The following PHACTR4 variants were observed in gnomAD, a reference collection of about 807,000 sequenced individuals.
The protein encoded by PHACTR4 is phosphatase and actin regulator 4.
A neutral mutation model predicts 72.7 loss-of-function variants in PHACTR4; 51 were observed. The ratio of observed to expected loss-of-function variants is 0.70; its 90% CI spans 0.56 to 0.89. PHACTR4 has a LOEUF of 0.89. PHACTR4 is among the 40% of genes least tolerant of loss of function. The pLI is 0.00. For synonymous variants in PHACTR4, 255 were observed against 302.5 expected (o/e 0.84, Z 1.63); for missense variants, 731 against 861.8 (o/e 0.85, Z 1.90).
intron 2 of PHACTR4, among the ~76,000 whole-genome samples, chr1:28,440,999 A>G (rs1304208628): frequency 6.6e-6 from 1 of 152,154 alleles, no homozygotes; most frequent in Non-Finnish European, 1.5e-5. Context: ...ATAGTACTAG[A>G]TTTAGCAAGT....
intron 1 of PHACTR4, 149 bp from the exon 2 acceptor site, chr1:28,407,261 A>C (rs1557793052): frequency 1.4e-5 from 6 of 417,486 alleles, no homozygotes; most frequent in South Asian, 5.9e-5. Context: ...AAAAAAAAAA[A>C]AAACTATCAT....
At chr1:28,377,575 G>T (rs1442548728) in intron 1 of PHACTR4, among the ~76,000 whole-genome samples, 1 of 152,038 alleles carries the variant, frequency 6.6e-6, no homozygotes, top group Non-Finnish European at 1.5e-5. Context: ...TAGGCCAGGA[G>T]TGGTGGCTGC....
chr1:28,450,790 T>TTGTG (rs140707466), intron 2 of PHACTR4, among the ~76,000 whole-genome samples: 1 of 148,924 alleles, frequency 6.7e-6, no homozygotes, highest in Non-Finnish European at 1.5e-5. Flanking sequence ...CAGCCAATTG[T>TTGTG]TGTGTGTGTG....
At chr1:28,466,359 A>G (rs756233206) in intron 5 of PHACTR4, 23 bp from the exon 6 acceptor site, 122 of 1,584,224 alleles carry the variant, frequency 7.7e-5, no homozygotes, top group Admixed American at 1.1e-4. Flanking sequence ...TTCCCTTTTT[A>G]TACCATACAT....
chr1:28,383,568 C>G (rs1281806790), intron 1 of PHACTR4, among the ~76,000 whole-genome samples: 2 of 152,074 alleles, frequency 1.3e-5, no homozygotes, highest in African/African-American at 4.8e-5. Context: ...TCTTTCACCT[C>G]CCTGGTTAGC....
intron 1 of PHACTR4, among the ~76,000 whole-genome samples, chr1:28,404,306 G>A (rs60781079): frequency 0.31 from 40,773 of 131,586 alleles, 6,258 homozygotes; most frequent in Middle Eastern, 0.39. Flanking sequence ...TTTTTGAGAC[G>A]GAGTTTTGCT....
chr1:28,426,850 C>T (rs1466176713), intron 2 of PHACTR4, among the ~76,000 whole-genome samples: 9 of 151,982 alleles, frequency 5.9e-5, no homozygotes, highest in South Asian at 2.1e-4. Context: ...TGCACCTGGC[C>T]GTGGAAGAAT....
intron 12 of PHACTR4, among the ~76,000 whole-genome samples, 181 bp downstream of exon 12, chr1:28,491,968 G>A (rs1332915608): frequency 6.6e-6 from 1 of 152,166 alleles, no homozygotes; most frequent in Non-Finnish European, 1.5e-5. Flanking sequence ...TACTAACTCA[G>A]TATGTTTTGG....
chr1:28,406,784 ATTATACTTAGTCAAC>A (rs764455664), intron 1 of PHACTR4, among the ~76,000 whole-genome samples: 20 of 152,166 alleles, frequency 1.3e-4, no homozygotes, highest in Non-Finnish European at 2.1e-4. Context: ...GAGGTTGTAT[ATTATACTTAGTCAAC>A]TTTCTTTTGA....
chr1:28,450,731 C>T (rs1396613352), intron 2 of PHACTR4, among the ~76,000 whole-genome samples: 3 of 151,906 alleles, frequency 2.0e-5, no homozygotes, highest in African/African-American at 4.8e-5. Flanking sequence ...GCAGTTCCCT[C>T]GCCTTAGCCT....
intron 1 of PHACTR4, among the ~76,000 whole-genome samples, chr1:28,385,735 C>T (rs949992377): frequency 7.9e-5 from 12 of 150,966 alleles, no homozygotes; most frequent in Non-Finnish European, 1.0e-4. Context: ...CATGCCTTAG[C>T]CTCCCGAGTA....
intron 7 of PHACTR4, among the ~76,000 whole-genome samples, chr1:28,475,629 A>G (rs1659868660): frequency 6.6e-6 from 1 of 152,144 alleles, no homozygotes; most frequent in Non-Finnish European, 1.5e-5. Flanking sequence ...TACCTGCTAA[A>G]AAGTTTCTTA....
At chr1:28,404,247 G>T (rs116346400) in intron 1 of PHACTR4, among the ~76,000 whole-genome samples, 1,549 of 149,442 alleles carry the variant, frequency 0.01, 26 homozygotes, top group African/African-American at 0.037. Context: ...ACTGCACCTG[G>T]CCTGTGTACA....
chr1:28,380,413 T>C (rs1050470908), intron 1 of PHACTR4, among the ~76,000 whole-genome samples: 5 of 152,148 alleles, frequency 3.3e-5, no homozygotes, highest in Non-Finnish European at 5.9e-5. Flanking sequence ...ACAGGTAAAC[T>C]TGTATCATGG....
chr1:28,473,793 C>T lies in PHACTR4; in HGVS notation c.1063C>T (p.Pro355Ser). The T allele has an allele frequency of 6.2e-7, 1 of 1,614,098 alleles. No individual in the cohort carries two copies. Among genetic ancestry groups the T allele is most frequent in the Non-Finnish European group, 8.5e-7 (1 of 1,180,030 alleles). The change falls in exon 7 of 14, where the codon CCT becomes TCT. Residue 355 changes from proline (P) to serine (S), a missense_variant. By Grantham distance (74) the Pro-to-Ser change is moderately conservative (BLOSUM62 -1). Transcript: ENST00000373839. The part of the protein sequence containing the change: ...PPLPTHIPPE[P>S]PRTPPFPAKT... ...ACTGCCTACTCATATACCTCCAGAG[C>T]CTCCACGCACCCCTCCATTCCCTGC... is the stretch of plus-strand genomic sequence containing the variant.
chr1:28,392,171 G>C (rs990070704), intron 1 of PHACTR4, among the ~76,000 whole-genome samples: 2 of 152,050 alleles, frequency 1.3e-5, no homozygotes, highest in African/African-American at 4.8e-5. Context: ...ATGCCATTCT[G>C]AGTAGTGTGA....
chr1:28,484,592 G>A (rs1199850696), intron 9 of PHACTR4, among the ~76,000 whole-genome samples: 2 of 151,116 alleles, frequency 1.3e-5, no homozygotes, highest in South Asian at 2.1e-4. Flanking sequence ...ATATGTGTAC[G>A]TGTGTGTATA....
chr1:28,447,002 T>TTTTATTTA lies in PHACTR4; in HGVS notation c.17-12062_17-12055dup, dbSNP rs760091619. Reference sequence around the variant, plus strand: ...AAATTACCCAGTCTCAGGTATTTCTTTTTATTTATTTATTTATTTATTTAT... The same window carrying TTTTATTTA: ...AAATTACCCAGTCTCAGGTATTTCTTTTTATTTATTTATTTATTTATTTATTTATTTAT... On this transcript the variant is annotated intron_variant, in intron 2 of 13. Coordinates refer to ENST00000373839, the MANE Select transcript of PHACTR4 (RefSeq NM_001048183.3). Among the ~76,000 whole-genome samples the TTTTATTTA allele has an allele frequency of 4.2e-3, 632 of 150,706 alleles. 8 individuals carry two copies. The highest frequency in any genetic ancestry group is 0.015 in the African/African-American group (600 of 40,518).
At chr1:28,491,220 A>AAAAG (rs1661017227) in intron 11 of PHACTR4, among the ~76,000 whole-genome samples, 1 of 150,860 alleles carries the variant, frequency 6.6e-6, no homozygotes, top group African/African-American at 2.5e-5. Flanking sequence ...AAAAAAAAAA[A>AAAAG]AAGAAGAAGA....
Sources: allele counts gnomAD v4.1 joint callset (sites outside exome capture counted in the v4.1 genomes callset), GRCh38; gene constraint gnomAD v4.1.1; transcripts MANE v1.5; gene names NCBI Gene and HGNC (gene_info 2026-07-23, HGNC 2026-07-21).